The following PIK3CB variants were observed in gnomAD, a reference collection of about 807,000 sequenced individuals.
PIK3CB encodes the protein phosphatidylinositol 4,5-bisphosphate 3-kinase catalytic subunit beta isoform.
In PIK3CB, 39 loss-of-function variants were observed where a neutral mutation model predicts 136.8. That is an observed-to-expected ratio of 0.29 (90% CI 0.22 to 0.37). The LOEUF is 0.37. Among genes scored for constraint, PIK3CB ranks in the 10% least tolerant of loss-of-function variants. PIK3CB has a pLI of 1.00. For missense variants in PIK3CB, 868 were observed against 1,275.4 expected (o/e 0.68, Z 4.87); for synonymous variants, 428 against 436.6 (o/e 0.98, Z 0.25).
intron 2 of PIK3CB, among the ~76,000 whole-genome samples, chr3:138,766,003 C>T (rs1471620142): frequency 6.6e-6 from 1 of 152,166 alleles, no homozygotes; most frequent in African/African-American, 2.4e-5. Context: ...AAAATATTAA[C>T]AAACATATAA....
intron 3 of PIK3CB, among the ~76,000 whole-genome samples, chr3:138,757,586 AAAG>A (rs2045594334): frequency 6.7e-6 from 1 of 150,198 alleles, no homozygotes; most frequent in Non-Finnish European, 1.5e-5. Context: ...TAATGTAAGA[AAAG>A]AGGAAGGAAG....
intron 8 of PIK3CB, among the ~76,000 whole-genome samples, chr3:138,720,484 A>C (rs747851300): frequency 1.3e-5 from 2 of 152,164 alleles, no homozygotes; most frequent in Non-Finnish European, 2.9e-5. Flanking sequence ...GGAAGTCTGT[A>C]TCTTGGATAA....
At chr3:138,785,663 A>G (rs2045973982) in intron 2 of PIK3CB, among the ~76,000 whole-genome samples, 1 of 152,140 alleles carries the variant, frequency 6.6e-6, no homozygotes, top group Non-Finnish European at 1.5e-5. Context: ...TCAAGTACCC[A>G]GGGACGCAAA....
rs1934199997 is a variant in PIK3CB, at chr3:138,834,843, T to A, written c.-270A>T. On this transcript the variant is annotated 5_prime_UTR_variant, in exon 1 of 24. Transcript: ENST00000674063. ...CCCGCGCAGCACTACACTCGCCCCC[T>A]CCCCACTGCCATGGCCCGCTCCGCC... The A allele has an allele frequency of 6.6e-6, 1 of 150,752 alleles. No homozygotes were observed. Among genetic ancestry groups the A allele is most frequent in the African/African-American group, 2.4e-5 (1 of 40,840 alleles). The allele number at this position is 150,752 out of a possible 1,614,324, so 9.3% of individuals were successfully genotyped here.
chr3:138,747,719 T>A (rs2108687807), intron 4 of PIK3CB, among the ~76,000 whole-genome samples: 1 of 152,326 alleles, frequency 6.6e-6, no homozygotes, highest in South Asian at 2.1e-4. Flanking sequence ...ACTTTTTAAT[T>A]TTTTCACTAT....
chr3:138,683,612 G>A, intron 18 of PIK3CB, 66 bp downstream of exon 18: 1 of 893,830 alleles, frequency 1.1e-6, no homozygotes, highest in Non-Finnish European at 1.9e-6. Flanking sequence ...TCACCTTTCA[G>A]ATAAAGCAAA....
chr3:138,784,527 C>T (rs2045953978), intron 2 of PIK3CB, among the ~76,000 whole-genome samples: 1 of 152,172 alleles, frequency 6.6e-6, no homozygotes, highest in South Asian at 2.1e-4. Flanking sequence ...TGCAACCTCC[C>T]TGCCTGATTC....
At chr3:138,760,955 A>C (rs368003662) in intron 2 of PIK3CB, among the ~76,000 whole-genome samples, 12 of 152,334 alleles carry the variant, frequency 7.9e-5, no homozygotes, top group Admixed American at 3.9e-4. Flanking sequence ...TTTGCTAATA[A>C]ATGGAAAAAG....
chr3:138,672,912 A>AG (rs1487989343), intron 19 of PIK3CB, among the ~76,000 whole-genome samples: 1 of 135,858 alleles, frequency 7.4e-6, no homozygotes, highest in Admixed American at 7.0e-5. Context: ...ACTCCGTTGA[A>AG]AAAAAAAAAA....
At chr3:138,726,915 G>A (rs968340294) in intron 8 of PIK3CB, among the ~76,000 whole-genome samples, 2 of 151,872 alleles carry the variant, frequency 1.3e-5, no homozygotes, top group Non-Finnish European at 2.9e-5. Context: ...GCTGGGTGTG[G>A]TGGTGCATGC....
At chr3:138,712,635 C>T (rs1447881063) in intron 9 of PIK3CB, among the ~76,000 whole-genome samples, 1 of 146,790 alleles carries the variant, frequency 6.8e-6, no homozygotes, top group Non-Finnish European at 1.5e-5. Context: ...GGTGTGATCT[C>T]GGCTCACTGC....
At chr3:138,681,496 C>A (rs192417990) in intron 19 of PIK3CB, among the ~76,000 whole-genome samples, 1 of 151,946 alleles carries the variant, frequency 6.6e-6, no homozygotes, top group Non-Finnish European at 1.5e-5. Flanking sequence ...TTTTCTGTCA[C>A]GACACCACAA....
chr3:138,656,344 T>G, intron 22 of PIK3CB, 70 bp from the exon 23 acceptor site: 1 of 1,508,256 alleles, frequency 6.6e-7, no homozygotes, highest in Non-Finnish European at 9.1e-7. Context: ...TACAGGAAAT[T>G]AAGAAAACAC....
At chr3:138,687,367 CTAAGTATGG>C (rs2043917600) in intron 16 of PIK3CB, among the ~76,000 whole-genome samples, 1 of 152,134 alleles carries the variant, frequency 6.6e-6, no homozygotes, top group Admixed American at 6.5e-5. Flanking sequence ...CAAGTTATGA[CTAAGTATGG>C]CCTAACAGGC....
intron 19 of PIK3CB, among the ~76,000 whole-genome samples, chr3:138,665,519 A>G (rs2043389229): frequency 6.6e-6 from 1 of 152,200 alleles, no homozygotes; most frequent in African/African-American, 2.4e-5. Flanking sequence ...CTCTTACTCT[A>G]CATTTTGGGG....
In PIK3CB at chr3:138,657,901, C is replaced by T. The variant is rs1373580829; in HGVS notation, c.2797-66G>A. ...TGGGTTCCAAATATAAAGGCAAAAC[C>T]TCCATAGTCCTAGACCCCCAGGAAC... On this transcript the variant is annotated intron_variant, in intron 21 of 23. Coordinates refer to ENST00000674063, the MANE Select transcript of PIK3CB (RefSeq NM_006219.3). 21 of 1,485,374 alleles carry T rather than the reference C, an allele frequency of 1.4e-5. No homozygotes were observed. The Admixed American group carries it at 2.8e-4, about 20-fold the overall frequency. The allele number at this position is 1,485,374 out of a possible 1,614,324, so 92.0% of individuals were successfully genotyped here. A position where few individuals can be genotyped will look rare whatever the true frequency, so the allele number is the denominator to read the frequency against.
At chr3:138,703,275 C>G (rs557766176) in intron 12 of PIK3CB, among the ~76,000 whole-genome samples, 1 of 152,250 alleles carries the variant, frequency 6.6e-6, no homozygotes, top group African/African-American at 2.4e-5. Flanking sequence ...ATTCTGAGAG[C>G]TCTAATGGCA....
chr3:138,774,192 C>T (rs2045832099), intron 2 of PIK3CB, among the ~76,000 whole-genome samples: 1 of 152,178 alleles, frequency 6.6e-6, no homozygotes, highest in South Asian at 2.1e-4. Flanking sequence ...GCAAAGCAAA[C>T]CACTATCCAG....
At chr3:138,707,767 CAG>C (rs2044409098) in intron 10 of PIK3CB, 1 of 158,580 alleles carries the variant, frequency 6.3e-6, no homozygotes, top group Admixed American at 6.5e-5. Flanking sequence ...CAACTGCTGA[CAG>C]AAAATACCTT....
Sources: allele counts gnomAD v4.1 joint callset (sites outside exome capture counted in the v4.1 genomes callset), GRCh38; gene constraint gnomAD v4.1.1; transcripts MANE v1.5; gene names NCBI Gene and HGNC (gene_info 2026-07-23, HGNC 2026-07-21).